The following HRH1 variants were observed in gnomAD, a reference collection of about 807,000 sequenced individuals.
The protein encoded by HRH1 is histamine H1 receptor.
In HRH1, 6 loss-of-function variants were observed where a neutral mutation model predicts 10.3. The observed-to-expected ratio is 0.58, with a 90% CI of 0.32 to 1.15. The LOEUF (loss-of-function observed/expected upper bound fraction) is 1.15, where lower values mean the gene tolerates loss of function less well. HRH1 is among the 50% of genes most tolerant of loss of function. The probability of loss-of-function intolerance (pLI) is 0.05; values close to 1 mark genes in which losing one functional copy is unlikely to be tolerated. For synonymous variants in HRH1, 242 were observed against 236.7 expected (o/e 1.02, Z -0.21); for missense variants, 514 against 615.3 (o/e 0.84, Z 1.74).
intron 1 of HRH1, among the ~76,000 whole-genome samples, chr3:11,183,492 C>T (rs1211867636): frequency 1.3e-5 from 2 of 152,096 alleles, no homozygotes; most frequent in Non-Finnish European, 1.5e-5. Flanking sequence ...CAGGGCAGCC[C>T]CCAACACAGA....
At position 11,259,679 on chromosome 3, in the gene HRH1, C is replaced by T; in HGVS notation, c.642C>T (p.Tyr214=). The T allele has an allele frequency of 6.2e-7, 1 of 1,614,124 alleles. No individual in the cohort carries two copies. Among genetic ancestry groups the T allele is most frequent in the Non-Finnish European group, 8.5e-7 (1 of 1,180,030 alleles). The change falls in exon 2 of 2, where the codon TAC becomes TAT. Residue 214 remains tyrosine (Y), a synonymous_variant. Coordinates refer to ENST00000431010, the MANE Select transcript of HRH1 (RefSeq NM_001098212.2). The surrounding 1 kb of genome is among the most constrained non-coding windows in gnomAD (Gnocchi z 4.6). ...LLMLWFYAKI[Y]KAVRQHCQHR... is the part of the protein sequence containing the mutation. The stretch of plus-strand genomic sequence containing the variant: ...TGCTCTGGTTCTATGCCAAGATCTA[C>T]AAGGCCGTACGACAACACTGCCAGC...
chr3:11,226,100 G>C (rs1039121707), intron 1 of HRH1: 6 of 152,628 alleles, frequency 3.9e-5, no homozygotes, highest in African/African-American at 1.4e-4. Flanking sequence ...GGGGAGAGTG[G>C]AGAATCAGAG....
rs527642977 is a variant in HRH1, at chr3:11,251,998, C to A, written c.-35-7005C>A. On this transcript the variant is annotated intron_variant, in intron 1 of 1. Transcript: ENST00000431010. ...TGGGTAAGTACTCCCAAGGCTACGC[C>A]CTTGTTTACATTGACGAAAAGATGG... Among the ~76,000 whole-genome samples, 9 of 152,276 alleles carry A rather than the reference C, an allele frequency of 5.9e-5. No individual in the cohort carries two copies. The East Asian group carries it at 1.7e-3, about 29-fold the overall frequency.
At chr3:11,235,948 T>A (rs917509933) in intron 1 of HRH1, among the ~76,000 whole-genome samples, 1 of 152,170 alleles carries the variant, frequency 6.6e-6, no homozygotes, top group Admixed American at 6.5e-5. Flanking sequence ...AAATCTCTGA[T>A]GTATGTGGCC....
chr3:11,195,212 C>T (rs570843743), intron 1 of HRH1, among the ~76,000 whole-genome samples: 206 of 152,252 alleles, frequency 1.4e-3, no homozygotes, highest in African/African-American at 4.8e-3. Flanking sequence ...TACCTGTAAC[C>T]AAGAGGAGCA....
rs143427700 is a variant in HRH1, at chr3:11,227,435, C to T, written c.-35-31568C>T. 8.5e-3 allele frequency among the ~76,000 whole-genome samples: 1,300 copies of T among 152,082 alleles called. 9 individuals carry two copies. Among genetic ancestry groups the T allele is most frequent in the South Asian group, 0.03 (145 of 4,800 alleles). ...CCAAGTAACTGAGATTACAGGCGCC[C>T]GCCACCACGCCTGGCTAATTTTTGT... On this transcript the variant is annotated intron_variant, in intron 1 of 1. Coordinates refer to ENST00000431010, the MANE Select transcript of HRH1 (RefSeq NM_001098212.2).
chr3:11,156,838 C>G (rs2125006383), intron 1 of HRH1, among the ~76,000 whole-genome samples: 1 of 152,310 alleles, frequency 6.6e-6, no homozygotes, highest in Non-Finnish European at 1.5e-5. Context: ...TGCAAATTGC[C>G]CAGCCTCTGC....
At chr3:11,247,246 C>G (rs1470657187) in intron 1 of HRH1, among the ~76,000 whole-genome samples, 3 of 152,148 alleles carry the variant, frequency 2.0e-5, no homozygotes, top group African/African-American at 7.2e-5. Flanking sequence ...TGCTTGAACC[C>G]AGGAGACAGA....
At chr3:11,225,329 C>G (rs1938845942) in intron 1 of HRH1, among the ~76,000 whole-genome samples, 1 of 152,172 alleles carries the variant, frequency 6.6e-6, no homozygotes, top group South Asian at 2.1e-4. Flanking sequence ...AGAACCAGGC[C>G]TGGCCGGCTG....
chr3:11,152,745 G>T (rs1936669250), upstream of HRH1, among the ~76,000 whole-genome samples: 1 of 151,734 alleles, frequency 6.6e-6, no homozygotes, highest in Non-Finnish European at 1.5e-5. Flanking sequence ...GGTTCCAAAG[G>T]GTGCATTAGT....
chr3:11,258,849 T>C (rs1939854408), intron 1 of HRH1, among the ~76,000 whole-genome samples, 154 bp from the exon 2 acceptor site: 1 of 152,156 alleles, frequency 6.6e-6, no homozygotes, highest in Non-Finnish European at 1.5e-5. Flanking sequence ...AATGAATGCA[T>C]GAATAAGGAA....
intron 1 of HRH1, among the ~76,000 whole-genome samples, chr3:11,233,901 T>A (rs1231918986): frequency 6.6e-6 from 1 of 152,200 alleles, no homozygotes; most frequent in African/African-American, 2.4e-5. Context: ...AAAAGGAATA[T>A]AATGAATCAG....
At chr3:11,173,565 CTAA>C (rs533221175) in intron 1 of HRH1, among the ~76,000 whole-genome samples, 49 of 151,522 alleles carry the variant, frequency 3.2e-4, no homozygotes, top group South Asian at 1.5e-3. Context: ...CCACACCCAG[CTAA>C]TAATTATATT....
chr3:11,210,463 T>C (rs1367329341), intron 1 of HRH1, among the ~76,000 whole-genome samples: 1 of 152,000 alleles, frequency 6.6e-6, no homozygotes, highest in African/African-American at 2.4e-5. Context: ...TAAAATGAGA[T>C]GGTGTGTACA....
chr3:11,229,402 G>A (rs1938984415), intron 1 of HRH1, among the ~76,000 whole-genome samples: 5 of 152,184 alleles, frequency 3.3e-5, no homozygotes, highest in Admixed American at 3.3e-4. Context: ...AGCCTAAGGA[G>A]TTTGAACTTT....
intron 1 of HRH1, among the ~76,000 whole-genome samples, chr3:11,241,727 T>A (rs1448014750): frequency 6.6e-6 from 1 of 151,744 alleles, no homozygotes; most frequent in Non-Finnish European, 1.5e-5. Context: ...TCCCAGCTAC[T>A]CCGGAGGCTG....
intron 1 of HRH1, among the ~76,000 whole-genome samples, chr3:11,182,351 TAA>T (rs1937374754): frequency 6.6e-6 from 1 of 152,220 alleles, no homozygotes; most frequent in Non-Finnish European, 1.5e-5. Context: ...CCCTCATCTG[TAA>T]CTTGCTGTGT....
chr3:11,239,194 TTA>T (rs1356854883), intron 1 of HRH1, among the ~76,000 whole-genome samples: 1 of 152,264 alleles, frequency 6.6e-6, no homozygotes. Flanking sequence ...TCTTTTTAAA[TTA>T]TAGTCATCCT....
intron 1 of HRH1, among the ~76,000 whole-genome samples, chr3:11,208,256 G>A (rs991816975): frequency 2.6e-5 from 4 of 151,274 alleles, no homozygotes; most frequent in African/African-American, 9.7e-5. Flanking sequence ...AGGTTCAAGT[G>A]ATTCTCATGA....
Sources: allele counts gnomAD v4.1 joint callset (sites outside exome capture counted in the v4.1 genomes callset), GRCh38; gene constraint gnomAD v4.1.1; non-coding constraint Gnocchi (gnomAD v3.1); transcripts MANE v1.5; gene names NCBI Gene and HGNC (gene_info 2026-07-23, HGNC 2026-07-21).